UBE3C: variants seen among roughly 807,000 people sequenced by gnomAD.
UBE3C encodes ubiquitin protein ligase E3C, also known as ubiquitin-protein ligase E3C.
In UBE3C, 42 loss-of-function variants were observed where a neutral mutation model predicts 129.4. That is an observed-to-expected ratio of 0.32 (90% CI 0.25 to 0.42). The LOEUF (loss-of-function observed/expected upper bound fraction) is 0.42, where lower values mean the gene tolerates loss of function less well. Ranked by LOEUF, UBE3C falls within the 10% of genes least tolerant of loss-of-function variation. The pLI is 1.00. For missense variants in UBE3C, 1,049 were observed against 1,319.1 expected, an observed-to-expected ratio of 0.80 and a Z score of 3.17; for synonymous variants, 510 against 492.4, an observed-to-expected ratio of 1.04 and a Z score of -0.47.
At chr7:157,149,779 T>C (rs1298144553) in intron 1 of UBE3C, among the ~76,000 whole-genome samples, 1 of 152,218 alleles carries the variant, frequency 6.6e-6, no homozygotes, top group Admixed American at 6.5e-5. Flanking sequence ...TCTGTGACTT[T>C]TCTTTAATTC....
At chr7:157,262,338 TGAA>T (rs1796937810) in intron 22 of UBE3C, among the ~76,000 whole-genome samples, 1 of 149,884 alleles carries the variant, frequency 6.7e-6, no homozygotes, top group Non-Finnish European at 1.5e-5. Flanking sequence ...TATTTTTTAA[TGAA>T]GTTTACATTT....
intron 17 of UBE3C, among the ~76,000 whole-genome samples, chr7:157,230,395 GAAA>G (rs59540123): frequency 1.4e-5 from 2 of 138,002 alleles, no homozygotes; most frequent in Non-Finnish European, 3.2e-5. Context: ...ATAAGCTTTT[GAAA>G]AAAAAAAAAA....
chr7:157,159,731 G>A (rs1167517630), intron 1 of UBE3C, among the ~76,000 whole-genome samples: 1 of 152,180 alleles, frequency 6.6e-6, no homozygotes, highest in Admixed American at 6.5e-5. Context: ...GCCGAGCGTG[G>A]TGGCACATGG....
In UBE3C at chr7:157,206,861, G is replaced by A. The variant is rs1312716378; in HGVS notation, c.1419-537G>A. 2.0e-5 allele frequency among the ~76,000 whole-genome samples: 3 copies of A among 152,236 alleles called. No individual in the cohort carries two copies. The East Asian group carries it at 5.8e-4, about 29-fold the overall frequency. Reference sequence around the variant, plus strand: ...AGCAGGATGGGAGCTGGTGAATAAAGTGGACAGTGGGAGCAAGGCCACCAT... The same window carrying A: ...AGCAGGATGGGAGCTGGTGAATAAAATGGACAGTGGGAGCAAGGCCACCAT... On this transcript the variant is annotated intron_variant, in intron 11 of 22. Coordinates refer to ENST00000348165, the MANE Select transcript of UBE3C (RefSeq NM_014671.3).
chr7:157,192,742 G>GT lies in UBE3C; in HGVS notation c.1331+5722dup, dbSNP rs1196497274. The GT allele has an allele frequency of 3.1e-5, 30 of 982,562 alleles. No individual in the cohort carries two copies. The East Asian group carries it at 6.9e-4, about 23-fold the overall frequency. 60.9% of individuals were successfully genotyped at this position (982,562 alleles called of 1,614,324 possible). On this transcript the variant is annotated intron_variant, in intron 10 of 22. Transcript: ENST00000348165. ...CGAGAGTGCCCTTCTGATGAATGTG[G>GT]TGCTGGAGTGTTTATGGCAAGTCAC...
chr7:157,260,360 G>A (rs971621934), intron 22 of UBE3C, among the ~76,000 whole-genome samples: 3 of 152,320 alleles, frequency 2.0e-5, no homozygotes, highest in Non-Finnish European at 4.4e-5. Context: ...ACCCAGAAGG[G>A]TTTAGTGGCA....
intron 22 of UBE3C, among the ~76,000 whole-genome samples, chr7:157,263,392 G>A (rs952689631): frequency 6.6e-6 from 1 of 152,192 alleles, no homozygotes; most frequent in Non-Finnish European, 1.5e-5. Flanking sequence ...AAAGTCGAAC[G>A]GGGGCCGGGT....
chr7:157,186,697 A>T (rs1808815303), intron 9 of UBE3C, 137 bp from the exon 10 acceptor site: 2 of 936,800 alleles, frequency 2.1e-6, no homozygotes, highest in East Asian at 2.6e-5. Flanking sequence ...CACTAAGTGT[A>T]CTGTGATGTA....
At chr7:157,175,421 C>T (rs1245625305) in intron 5 of UBE3C, among the ~76,000 whole-genome samples, 1 of 152,146 alleles carries the variant, frequency 6.6e-6, no homozygotes, top group Non-Finnish European at 1.5e-5. Context: ...CTTTAGAATA[C>T]ACCTTTCATC....
chr7:157,156,263 C>T (rs1289258802), intron 1 of UBE3C, among the ~76,000 whole-genome samples: 1 of 147,912 alleles, frequency 6.8e-6, no homozygotes, highest in African/African-American at 2.5e-5. Flanking sequence ...AAATAAAATA[C>T]TAGAGCCTTT....
intron 13 of UBE3C, among the ~76,000 whole-genome samples, chr7:157,212,205 GA>G (rs762015826): frequency 0.016 from 2,397 of 145,386 alleles, 59 homozygotes; most frequent in African/African-American, 0.052. Context: ...ACTGTAGAAA[GA>G]AAAAAAAAAA....
chr7:157,267,967 A>G lies in UBE3C; in HGVS notation c.*212A>G. 1 of 453,730 alleles carries G rather than the reference A, an allele frequency of 2.2e-6. No homozygotes were observed. The highest frequency in any genetic ancestry group is 3.8e-6 in the Non-Finnish European group (1 of 261,560). 28.1% of individuals were successfully genotyped at this position (453,730 alleles called of 1,614,324 possible). On this transcript the variant is annotated 3_prime_UTR_variant, in exon 23 of 23. Coordinates refer to ENST00000348165, the MANE Select transcript of UBE3C (RefSeq NM_014671.3). ...TGGACATTGCTTTTCAAATAACTTA[A>G]AATAACACGTTATGTGCCATGTGGC...
At chr7:157,188,891 C>T in intron 10 of UBE3C, 2 of 580,020 alleles carry the variant, frequency 3.4e-6, no homozygotes, top group Admixed American at 2.6e-5. Context: ...AATATTAGTC[C>T]CTTTTATTTT....
intron 1 of UBE3C, among the ~76,000 whole-genome samples, chr7:157,148,731 C>CTTTT (rs58138213): frequency 7.6e-6 from 1 of 131,788 alleles, no homozygotes; most frequent in Non-Finnish European, 1.6e-5. Flanking sequence ...CAAATTAGTT[C>CTTTT]TTTTTTTTTT....
At chr7:157,188,906 G>A (rs1284270834) in intron 10 of UBE3C, 4 of 641,776 alleles carry the variant, frequency 6.2e-6, no homozygotes, top group African/African-American at 5.3e-5. Flanking sequence ...TATTTTCAGA[G>A]TTAGGATTTG....
At chr7:157,216,618 C>T (rs1795581036) in intron 13 of UBE3C, among the ~76,000 whole-genome samples, 1 of 152,122 alleles carries the variant, frequency 6.6e-6, no homozygotes, top group African/African-American at 2.4e-5. Flanking sequence ...TCGCCACCTC[C>T]GTTGTAACTT....
At chr7:157,149,566 C>T (rs139582619) in intron 1 of UBE3C, among the ~76,000 whole-genome samples, 91 of 152,088 alleles carry the variant, frequency 6.0e-4, no homozygotes, top group Non-Finnish European at 1.3e-3. Flanking sequence ...GAGTGAGTGC[C>T]TCCTTAAATT....
chr7:157,217,172 C>T (rs936504945), intron 14 of UBE3C: 1 of 432,194 alleles, frequency 2.3e-6, no homozygotes, highest in Non-Finnish European at 4.1e-6. Context: ...AAATGATATT[C>T]TGAGTTATTA....
chr7:157,227,654 C>T (rs537403507), intron 17 of UBE3C, among the ~76,000 whole-genome samples: 26 of 151,892 alleles, frequency 1.7e-4, no homozygotes, highest in Non-Finnish European at 3.4e-4. Context: ...GAGCCGAGAT[C>T]GCACCACTGC....
Sources: gnomAD v4.1 joint callset for allele counts (sites outside exome capture counted in the v4.1 genomes callset) on GRCh38, gnomAD v4.1.1 for gene constraint, MANE v1.5 for transcripts, NCBI Gene and HGNC (gene_info 2026-07-23, HGNC 2026-07-21) for gene names.